PPIP5K2: variants seen among roughly 807,000 people sequenced by gnomAD.
PPIP5K2 encodes inositol hexakisphosphate and diphosphoinositol-pentakisphosphate kinase 2.
A neutral mutation model predicts 154.6 loss-of-function variants in PPIP5K2; 105 were observed. That is an observed-to-expected ratio of 0.68 (90% CI 0.58 to 0.80). The LOEUF (loss-of-function observed/expected upper bound fraction) is 0.80, where lower values mean the gene tolerates loss of function less well. PPIP5K2 is among the 30% of genes least tolerant of loss of function. PPIP5K2 has a pLI of 0.00. For synonymous variants in PPIP5K2, 480 were observed against 490.3 expected (o/e 0.98, Z 0.28); for missense variants, 992 against 1,504.6 (o/e 0.66, Z 5.64).
chr5:103,176,915 G>C, intron 21 of PPIP5K2: 1 of 1,448,940 alleles, frequency 6.9e-7, no homozygotes, highest in Non-Finnish European at 9.3e-7. Context: ...GAGATGGTAA[G>C]ATCAATAGAA....
At chr5:103,169,329 A>G (rs1217006003) in intron 19 of PPIP5K2, among the ~76,000 whole-genome samples, 7 of 151,906 alleles carry the variant, frequency 4.6e-5, no homozygotes, top group Admixed American at 2.0e-4. Flanking sequence ...TGGACTACAT[A>G]AAGTTTGAAA....
intron 10 of PPIP5K2, 40 bp from the exon 11 acceptor site, chr5:103,153,806 CTT>C (rs1794998400): frequency 7.2e-7 from 1 of 1,382,576 alleles, no homozygotes; most frequent in African/African-American, 1.5e-5. Context: ...CAACACAAAT[CTT>C]TTTTAGAGAA....
At position 103,154,864 on chromosome 5, in the gene PPIP5K2, A is replaced by G. The variant is rs782615452; in HGVS notation, c.1324A>G (p.Met442Val). Reference protein sequence around the residue: ...EVLDIARQLLMELGQNNDSEI... With the variant: ...EVLDIARQLLVELGQNNDSEI... ...GCTAGATATTGCACGACAGCTTCTT[A>G]TGGAGCTAGGGCAAAATAATGATTC... Residue 442 changes from methionine (M) to valine (V), a missense_variant, in exon 13 of 31, where the codon ATG (methionine) becomes GTG (valine). Met to Val is a conservative substitution (Grantham distance 21, BLOSUM62 1). Around this residue, in one of 9 missense-constraint regions of PPIP5K2, gnomAD observed 163 missense variants for 285.2 expected, o/e 0.57. Transcript: ENST00000358359. 1.9e-6 allele frequency: 3 copies of G among 1,601,844 alleles called. No homozygotes were observed. Among genetic ancestry groups the G allele is most frequent in the Non-Finnish European group, 8.5e-7 (1 of 1,175,570 alleles).
intron 24 of PPIP5K2, among the ~76,000 whole-genome samples, chr5:103,180,966 A>G (rs982123950): frequency 3.9e-5 from 6 of 152,000 alleles, no homozygotes; most frequent in African/African-American, 1.4e-4. Context: ...TGCAAAGTCT[A>G]TATAGGAATT....
At chr5:103,172,459 T>A (rs1195809449) in intron 19 of PPIP5K2, among the ~76,000 whole-genome samples, 1 of 151,112 alleles carries the variant, frequency 6.6e-6, no homozygotes, top group Admixed American at 6.6e-5. Context: ...GGTATATGTG[T>A]TTCTTTCCTC....
At chr5:103,189,105 G>A (rs2149792185) in intron 28 of PPIP5K2, 3 of 1,299,136 alleles carry the variant, frequency 2.3e-6, no homozygotes, top group Middle Eastern at 1.8e-4. Context: ...TTAGTTCAAG[G>A]AACATGGTGA....
intron 10 of PPIP5K2, among the ~76,000 whole-genome samples, chr5:103,153,515 G>C (rs1794951829): frequency 6.6e-6 from 1 of 151,854 alleles, no homozygotes; most frequent in Admixed American, 6.6e-5. Context: ...AGTCTGTAGT[G>C]ACCTAATGCT....
At chr5:103,187,046 A>C (rs550697225) in intron 27 of PPIP5K2, among the ~76,000 whole-genome samples, 37 of 152,210 alleles carry the variant, frequency 2.4e-4, no homozygotes, top group African/African-American at 8.7e-4. Flanking sequence ...TTTATCAACA[A>C]ATTTATTTTA....
At chr5:103,142,391 GC>G in intron 5 of PPIP5K2, among the ~76,000 whole-genome samples, 1 of 151,922 alleles carries the variant, frequency 6.6e-6, no homozygotes, top group African/African-American at 2.4e-5. Flanking sequence ...GCACCGCCCC[GC>G]AGCCCCAGTT....
intron 1 of PPIP5K2, among the ~76,000 whole-genome samples, chr5:103,123,589 A>G (rs1789141994): frequency 6.6e-6 from 1 of 152,224 alleles, no homozygotes; most frequent in East Asian, 1.9e-4. Context: ...TGTCTTTTGT[A>G]CAGTTAGATT....
At chr5:103,126,206 T>G (rs1342304695) in intron 1 of PPIP5K2, among the ~76,000 whole-genome samples, 1 of 152,206 alleles carries the variant, frequency 6.6e-6, no homozygotes, top group Non-Finnish European at 1.5e-5. Context: ...ATTTATTTGT[T>G]GATTTACCTA....
At chr5:103,186,677 TAGA>T (rs1450023752) in intron 27 of PPIP5K2, among the ~76,000 whole-genome samples, 1 of 152,220 alleles carries the variant, frequency 6.6e-6, no homozygotes, top group East Asian at 1.9e-4. Context: ...ATGGAAAACT[TAGA>T]AGAGTATTAT....
chr5:103,158,057 T>C (rs782753853), intron 14 of PPIP5K2, 131 bp from the exon 15 acceptor site: 17 of 986,680 alleles, frequency 1.7e-5, no homozygotes, highest in Non-Finnish European at 2.5e-5. Context: ...TGCAACAGCA[T>C]TTAAGGAAGA....
intron 3 of PPIP5K2, 27 bp downstream of exon 3, chr5:103,133,675 C>G (rs1583214720): frequency 6.7e-7 from 1 of 1,500,206 alleles, no homozygotes; most frequent in East Asian, 2.4e-5. Flanking sequence ...GGGAGAAACT[C>G]CTTTATCCTC....
rs891016895 is a variant in PPIP5K2, at chr5:103,202,010, G to A, written c.*376G>A. ...ATTTTCATGGGATTGCATCTTAGCTGTTAAAACTTCTAGATTGAAATTTGA... is the reference window on the plus strand; with the variant it reads ...ATTTTCATGGGATTGCATCTTAGCTATTAAAACTTCTAGATTGAAATTTGA... On this transcript the variant is annotated 3_prime_UTR_variant, in exon 31 of 31. Coordinates refer to ENST00000358359, the MANE Select transcript of PPIP5K2 (RefSeq NM_001276277.3). 4 of 158,792 alleles carry A rather than the reference G, an allele frequency of 2.5e-5. No homozygotes were observed. Among genetic ancestry groups the A allele is most frequent in the Admixed American group, 6.5e-5 (1 of 15,428 alleles). 9.8% of individuals were successfully genotyped at this position (158,792 alleles called of 1,614,324 possible).
intron 18 of PPIP5K2, among the ~76,000 whole-genome samples, chr5:103,167,559 T>C (rs1424565348): frequency 6.6e-6 from 1 of 151,992 alleles, no homozygotes; most frequent in Admixed American, 6.6e-5. Flanking sequence ...GCAGCATTGC[T>C]ATATAGTTAA....
Position 103,187,294 on chromosome 5 carries a change from C to A in PPIP5K2, c.3290-20C>A. On this transcript the variant is annotated intron_variant, in intron 27 of 30. Coordinates refer to ENST00000358359, the MANE Select transcript of PPIP5K2 (RefSeq NM_001276277.3). Reference sequence around the variant, plus strand: ...TTGTAGCTGTTACGAATTTCAGGTACCTGTTTTTCTCTTTCTTAGACGCCA... The same window carrying A: ...TTGTAGCTGTTACGAATTTCAGGTAACTGTTTTTCTCTTTCTTAGACGCCA... The A allele has an allele frequency of 1.3e-6, 2 of 1,525,530 alleles. No individual in the cohort carries two copies. The highest frequency in any genetic ancestry group is 1.8e-6 in the Non-Finnish European group (2 of 1,139,382). 94.5% of individuals were successfully genotyped at this position (1,525,530 alleles called of 1,614,324 possible).
chr5:103,169,459 A>T (rs1015048726), intron 19 of PPIP5K2, among the ~76,000 whole-genome samples: 3 of 151,868 alleles, frequency 2.0e-5, no homozygotes, highest in African/African-American at 7.2e-5. Flanking sequence ...CCTAATATTC[A>T]TAGACAGTAC....
At position 103,184,714 on chromosome 5, in the gene PPIP5K2, C is replaced by G. The variant is rs1554224297; in HGVS notation, c.3139C>G (p.Leu1047Val). 2 of 1,612,828 alleles carry G rather than the reference C, an allele frequency of 1.2e-6. No homozygotes were observed. The highest frequency in any genetic ancestry group is 1.7e-6 in the Non-Finnish European group (2 of 1,179,056). ...NANYLRTPRT[L>V]VEQKQNPTVG... The stretch of plus-strand genomic sequence containing the variant: ...TAATTACCTGAGAACACCAAGAACT[C>G]TTGTGGAACAGAAGCAGAATCCTAC... Residue 1047 changes from leucine to valine, a missense_variant, in exon 26 of 31, where the codon CTT becomes GTT. Leu to Val is a conservative substitution (Grantham distance 32). This residue lies in a region of PPIP5K2 where 204 missense variants were observed against 224.0 expected (regional missense o/e 0.91). Transcript: ENST00000358359.
Sources: allele counts gnomAD v4.1 joint callset (sites outside exome capture counted in the v4.1 genomes callset), GRCh38; gene constraint gnomAD v4.1.1; regional missense constraint gnomAD v4.1.1; transcripts MANE v1.5; gene names NCBI Gene and HGNC (gene_info 2026-07-23, HGNC 2026-07-21).